LARGE1: variants seen among roughly 807,000 people sequenced by gnomAD.
LARGE1 encodes the protein LARGE xylosyl- and glucuronyltransferase 1, also known as xylosyl- and glucuronyltransferase LARGE1.
A neutral mutation model predicts 87.6 loss-of-function variants in LARGE1; 43 were observed. That is an observed-to-expected ratio of 0.49 (90% CI 0.38 to 0.63). LARGE1 has a LOEUF of 0.63. Ranked by LOEUF, LARGE1 falls within the 30% of genes least tolerant of loss-of-function variation. LARGE1 has a pLI of 0.00. For synonymous variants in LARGE1, 434 were observed against 394.6 expected (o/e 1.10, Z -1.18); for missense variants, 802 against 1,000.2 (o/e 0.80, Z 2.67).
chr22:33,575,368 G>GA (rs2078324403), intron 5 of LARGE1, among the ~76,000 whole-genome samples: 5 of 152,156 alleles, frequency 3.3e-5, no homozygotes, highest in Non-Finnish European at 7.4e-5. Context: ...GTAAGATCAG[G>GA]AGTTCTTTAG....
intron 4 of LARGE1, among the ~76,000 whole-genome samples, chr22:33,615,401 A>C (rs143602866): frequency 1.3e-5 from 2 of 152,340 alleles, no homozygotes; most frequent in Non-Finnish European, 2.9e-5. Flanking sequence ...TGCAGGAGCA[A>C]ATCTTTTAAC....
At chr22:33,469,813 G>C (rs1024105289) in intron 6 of LARGE1, among the ~76,000 whole-genome samples, 8 of 127,656 alleles carry the variant, frequency 6.3e-5, no homozygotes, top group Non-Finnish European at 1.2e-4. Context: ...GGGCGACAGA[G>C]TGAGACTCCA....
chr22:33,847,447 G>A (rs2063466686), intron 1 of LARGE1, among the ~76,000 whole-genome samples: 1 of 152,118 alleles, frequency 6.6e-6, no homozygotes. Context: ...TAATGACATG[G>A]GAGTAACAGT....
intron 7 of LARGE1, among the ~76,000 whole-genome samples, chr22:33,399,827 C>T (rs1328033420): frequency 2.0e-5 from 3 of 152,188 alleles, no homozygotes; most frequent in Non-Finnish European, 2.9e-5. Flanking sequence ...GGATTAGAGG[C>T]GTGAGCCACC....
At chr22:33,548,395 A>C (rs2077426527) in intron 6 of LARGE1, among the ~76,000 whole-genome samples, 2 of 149,562 alleles carry the variant, frequency 1.3e-5, no homozygotes, top group South Asian at 4.3e-4. Flanking sequence ...TTTTCATATA[A>C]ATTACCCAGT....
intron 11 of LARGE1, among the ~76,000 whole-genome samples, chr22:33,255,261 T>C (rs1052532276): frequency 1.3e-5 from 2 of 152,284 alleles, no homozygotes; most frequent in South Asian, 2.1e-4. Flanking sequence ...TCTATCTTAG[T>C]TGAGTCATTG....
At chr22:33,540,300 C>T (rs2077156595) in intron 6 of LARGE1, among the ~76,000 whole-genome samples, 1 of 152,230 alleles carries the variant, frequency 6.6e-6, no homozygotes, top group Non-Finnish European at 1.5e-5. Flanking sequence ...TGCCAAGTCC[C>T]CCCCTGTGCT....
At chr22:33,190,546 G>A (rs969290168) in intron 11 of LARGE1, among the ~76,000 whole-genome samples, 2 of 152,116 alleles carry the variant, frequency 1.3e-5, no homozygotes, top group East Asian at 3.9e-4. Flanking sequence ...AACCAAAGTG[G>A]TACACACTAG....
chr22:33,530,538 G>A lies in LARGE1; in HGVS notation c.787+34310C>T, dbSNP rs535003956. Among the ~76,000 whole-genome samples the A allele has an allele frequency of 1.2e-4, 17 of 145,994 alleles. No homozygotes were observed. The South Asian group carries it at 2.2e-3, about 19-fold the overall frequency. On this transcript the variant is annotated intron_variant, in intron 6 of 14. Transcript: ENST00000397394. ...TTATATTTTCCTGGTAAGTTAAAAC[G>A]AAAACAAAACAACTAGGCAGAAAAC...
chr22:33,126,156 T>C, the LARGE1 span, among the ~76,000 whole-genome samples: 9 of 152,216 alleles, frequency 5.9e-5, no homozygotes, highest in Admixed American at 3.9e-4. Flanking sequence ...AGAATGGTCA[T>C]GTGCTTATGT....
At chr22:33,105,799 C>G in the LARGE1 span, 24 of 152,316 alleles carry the variant, frequency 1.6e-4, no homozygotes, top group African/African-American at 5.8e-4. Context: ...GGAGATGGCA[C>G]GATGCTTCAC....
intron 1 of LARGE1, among the ~76,000 whole-genome samples, chr22:33,795,509 A>G (rs113825065): frequency 0.076 from 11,505 of 152,164 alleles, 533 homozygotes; most frequent in Admixed American, 0.11. Flanking sequence ...CCCATTACTG[A>G]GTATATACCC....
intron 12 of LARGE1, among the ~76,000 whole-genome samples, chr22:33,289,343 C>G (rs1046775439): frequency 6.6e-6 from 1 of 152,184 alleles, no homozygotes; most frequent in Non-Finnish European, 1.5e-5. Context: ...TGACTTGGAG[C>G]CAGACAGCAG....
intron 6 of LARGE1, among the ~76,000 whole-genome samples, chr22:33,473,597 C>T (rs2068947293): frequency 6.6e-6 from 1 of 152,192 alleles, no homozygotes; most frequent in African/African-American, 2.4e-5. Flanking sequence ...TCGTGATCCA[C>T]CATGCCCAAC....
chr22:33,597,278 GAAAAA>G (rs3072280), intron 5 of LARGE1, among the ~76,000 whole-genome samples: 1 of 129,318 alleles, frequency 7.7e-6, no homozygotes, highest in African/African-American at 2.8e-5. Flanking sequence ...CCTAATTCAT[GAAAAA>G]AAAAAAAAAA....
the LARGE1 span, among the ~76,000 whole-genome samples, chr22:33,106,556 C>T: frequency 6.6e-6 from 1 of 151,794 alleles, no homozygotes; most frequent in East Asian, 1.9e-4. Flanking sequence ...AGTGCAGTGG[C>T]ACGATCTCGG....
chr22:33,719,640 C>A (rs1274892504), intron 2 of LARGE1, among the ~76,000 whole-genome samples: 1 of 152,010 alleles, frequency 6.6e-6, no homozygotes, highest in East Asian at 1.9e-4. Flanking sequence ...CCTGCCTCAG[C>A]CTCCTGAGTA....
intron 6 of LARGE1, among the ~76,000 whole-genome samples, chr22:33,553,894 G>A (rs2077600959): frequency 6.6e-6 from 1 of 152,150 alleles, no homozygotes; most frequent in African/African-American, 2.4e-5. Flanking sequence ...ACCTCCGTGA[G>A]AGTCTGAGCC....
intron 5 of LARGE1, among the ~76,000 whole-genome samples, chr22:33,593,050 A>C (rs1259498215): frequency 6.6e-6 from 1 of 152,246 alleles, no homozygotes; most frequent in East Asian, 1.9e-4. Flanking sequence ...CGTGTTAGCC[A>C]GGATGGTCTC....
Sources: gnomAD v4.1 joint callset for allele counts (sites outside exome capture counted in the v4.1 genomes callset) on GRCh38, gnomAD v4.1.1 for gene constraint, MANE v1.5 for transcripts, NCBI Gene and HGNC (gene_info 2026-07-23, HGNC 2026-07-21) for gene names.